The following NCALD variants were observed in gnomAD, a reference collection of about 807,000 sequenced individuals.
NCALD encodes neurocalcin delta.
NCALD carries 10 observed loss-of-function variants against 18.6 expected under a neutral mutation model. The ratio of observed to expected loss-of-function variants is 0.54; its 90% CI spans 0.33 to 0.91. The LOEUF (loss-of-function observed/expected upper bound fraction) is 0.91. NCALD is among the 40% of genes least tolerant of loss of function. The pLI is 0.03. For synonymous variants in NCALD, 88 were observed against 87.4 expected, an observed-to-expected ratio of 1.01 and a Z score of -0.04; for missense variants, 184 against 247.6, an observed-to-expected ratio of 0.74 and a Z score of 1.72.
Position 101,692,837 on chromosome 8 carries a change from C to A in NCALD, c.438G>T (p.Glu146Asp). 6.2e-7 allele frequency: 1 copy of A among 1,614,034 alleles called. No individual in the cohort carries two copies. Among genetic ancestry groups the A allele is most frequent in the Non-Finnish European group, 8.5e-7 (1 of 1,179,930 alleles). ...MKMPEDESTP[E>D]KRTEKIFRQM... ...GGCGGAAGATCTTTTCTGTTCTTTTCTCTGGGGTTGACTCATCTTCAGGCA... is the reference window on the plus strand; with the variant it reads ...GGCGGAAGATCTTTTCTGTTCTTTTATCTGGGGTTGACTCATCTTCAGGCA... The change falls in exon 3 of 4, where the codon GAG becomes GAT. Residue 146 changes from glutamate to aspartate, a missense_variant. Transcript: ENST00000220931.
At chr8:102,051,587 G>C (rs1409945541) in intron 1 of NCALD, among the ~76,000 whole-genome samples, 1 of 152,136 alleles carries the variant, frequency 6.6e-6, no homozygotes, top group African/African-American at 2.4e-5. Flanking sequence ...GTTTACAAAA[G>C]GTGAATGAAT....
At chr8:101,898,040 C>G (rs1057290393) in intron 3 of NCALD, among the ~76,000 whole-genome samples, 2 of 152,220 alleles carry the variant, frequency 1.3e-5, no homozygotes, top group Non-Finnish European at 2.9e-5. Flanking sequence ...CTCGATGCCA[C>G]CATGTGAAGA....
At chr8:101,891,946 G>A (rs904834237) in intron 3 of NCALD, among the ~76,000 whole-genome samples, 4 of 152,188 alleles carry the variant, frequency 2.6e-5, no homozygotes, top group East Asian at 1.9e-4. Flanking sequence ...AGGGGCGCCC[G>A]CAATTGCCCA....
chr8:101,872,073 A>G, intron 4 of NCALD: 1 of 1,466,458 alleles, frequency 6.8e-7, no homozygotes, highest in Non-Finnish European at 9.5e-7. Context: ...GATTCCTATC[A>G]GGATAATTGG....
intron 1 of NCALD, among the ~76,000 whole-genome samples, chr8:101,786,414 G>A (rs1303452038): frequency 2.0e-5 from 3 of 152,142 alleles, no homozygotes; most frequent in Non-Finnish European, 4.4e-5. Context: ...GAGTGACTGT[G>A]CTGCACATGA....
chr8:102,016,403 C>A (rs1325419708), intron 2 of NCALD, among the ~76,000 whole-genome samples: 1 of 152,190 alleles, frequency 6.6e-6, no homozygotes, highest in Non-Finnish European at 1.5e-5. Flanking sequence ...CACAGCTCTG[C>A]CTAGTACAAT....
intron 2 of NCALD, among the ~76,000 whole-genome samples, chr8:101,988,154 CAAAAAAAAAAAAAGA>C (rs1310787523): frequency 2.7e-5 from 1 of 37,180 alleles, no homozygotes; most frequent in Non-Finnish European, 4.8e-5. Context: ...GACTCCGTCT[CAAAAAAAAAAAAAGA>C]AAAAAAAAAA....
At chr8:101,894,552 C>CA (rs1189232908) in intron 3 of NCALD, among the ~76,000 whole-genome samples, 4 of 144,152 alleles carry the variant, frequency 2.8e-5, no homozygotes, top group African/African-American at 8.5e-5. Context: ...AAAAACCCTT[C>CA]AAAAAATCAA....
chr8:102,022,432 T>C (rs1479625219), intron 1 of NCALD, among the ~76,000 whole-genome samples: 1 of 152,222 alleles, frequency 6.6e-6, no homozygotes, highest in African/African-American at 2.4e-5. Flanking sequence ...CTCAGATGAC[T>C]GCACTCTCTT....
chr8:101,902,745 C>G (rs543953986), intron 3 of NCALD, among the ~76,000 whole-genome samples: 1 of 152,162 alleles, frequency 6.6e-6, no homozygotes. Context: ...CTTTTCTCTC[C>G]CCCAGCATGT....
chr8:102,118,009 G>A (rs1281395778), intron 1 of NCALD, among the ~76,000 whole-genome samples: 2 of 152,192 alleles, frequency 1.3e-5, no homozygotes, highest in African/African-American at 2.4e-5. Flanking sequence ...ACCTCTCAAT[G>A]CCTCGGTTCA....
intron 1 of NCALD, among the ~76,000 whole-genome samples, chr8:102,095,107 A>G (rs1010210859): frequency 6.6e-6 from 1 of 152,248 alleles, no homozygotes; most frequent in Non-Finnish European, 1.5e-5. Context: ...GGCTTTAGCA[A>G]TAACGTATGT....
rs765066238 is a variant in NCALD, at chr8:101,689,271, C to T, written c.*38G>A. On this transcript the variant is annotated 3_prime_UTR_variant, in exon 4 of 4. Coordinates refer to ENST00000220931, the MANE Select transcript of NCALD (RefSeq NM_032041.3). This position sits in a 1 kb window ranked among gnomAD's most constrained non-coding sequence, Gnocchi z 4.4. Reference sequence around the variant, plus strand: ...GTTAAAAAGAAGAATCAAAAGGGAACACAAGCAGCTCTACAATTCGATTGG... The same window carrying T: ...GTTAAAAAGAAGAATCAAAAGGGAATACAAGCAGCTCTACAATTCGATTGG... 1.3e-6 allele frequency: 2 copies of T among 1,577,718 alleles called. No homozygotes were observed. Among genetic ancestry groups the T allele is most frequent in the Non-Finnish European group, 8.7e-7 (1 of 1,152,406 alleles).
chr8:101,798,379 A>G (rs1812718434), intron 4 of NCALD, among the ~76,000 whole-genome samples: 1 of 152,248 alleles, frequency 6.6e-6, no homozygotes. Context: ...GAACATGTAG[A>G]GACTGAATTT....
At chr8:102,091,178 G>A (rs1290929983) in intron 1 of NCALD, among the ~76,000 whole-genome samples, 3 of 152,156 alleles carry the variant, frequency 2.0e-5, no homozygotes, top group Non-Finnish European at 4.4e-5. Flanking sequence ...GAGTTCCACT[G>A]AAGCCAATTT....
intron 4 of NCALD, among the ~76,000 whole-genome samples, chr8:101,838,807 C>T (rs914768458): frequency 2.6e-5 from 4 of 152,188 alleles, no homozygotes; most frequent in African/African-American, 4.8e-5. Context: ...TTTCATAGGA[C>T]GTGCAACACT....
At chr8:101,692,926 C>T in intron 2 of NCALD, 30 bp from the exon 3 acceptor site, 3 of 1,504,574 alleles carry the variant, frequency 2.0e-6, no homozygotes, top group Non-Finnish European at 2.8e-6. Flanking sequence ...GGTGGTAAGA[C>T]AGAAAAACAG....
intron 2 of NCALD, among the ~76,000 whole-genome samples, chr8:101,987,658 CT>C (rs1290719088): frequency 1.3e-5 from 2 of 152,210 alleles, no homozygotes; most frequent in African/African-American, 2.4e-5. Context: ...AGCACCACCC[CT>C]GTCAGTATAC....
intron 4 of NCALD, among the ~76,000 whole-genome samples, chr8:101,819,714 A>G (rs1813643227): frequency 6.6e-6 from 1 of 152,210 alleles, no homozygotes; most frequent in Non-Finnish European, 1.5e-5. Flanking sequence ...TTAAAGAAGG[A>G]ATGAACTCAT....
Sources: allele counts gnomAD v4.1 joint callset (sites outside exome capture counted in the v4.1 genomes callset), GRCh38; gene constraint gnomAD v4.1.1; non-coding constraint Gnocchi (gnomAD v3.1); transcripts MANE v1.5; gene names NCBI Gene and HGNC (gene_info 2026-07-23, HGNC 2026-07-21).